The following DCBLD2 variants were observed in gnomAD, a reference collection of about 807,000 sequenced individuals.
DCBLD2 encodes the protein discoidin, CUB and LCCL domain containing 2, also known as discoidin, CUB and LCCL domain-containing protein 2.
Under a neutral mutation model 86.8 loss-of-function variants are expected in DCBLD2, and 54 were observed. That is an observed-to-expected ratio of 0.62 (90% CI 0.50 to 0.78). DCBLD2 has a LOEUF of 0.78. Among genes scored for constraint, DCBLD2 ranks in the 30% least tolerant of loss-of-function variants. The pLI is 0.00. For synonymous variants in DCBLD2, 354 were observed against 341.3 expected, an observed-to-expected ratio of 1.04 and a Z score of -0.41; for missense variants, 908 against 954.2, an observed-to-expected ratio of 0.95 and a Z score of 0.64.
At chr3:98,861,779 A>T (rs1056433254) in intron 2 of DCBLD2, among the ~76,000 whole-genome samples, 3 of 152,194 alleles carry the variant, frequency 2.0e-5, no homozygotes, top group African/African-American at 4.8e-5. Context: ...AGCAGGAAAG[A>T]TCTAAAATGG....
At chr3:98,814,949 T>C (rs887427398) in intron 9 of DCBLD2, 3 of 152,176 alleles carry the variant, frequency 2.0e-5, no homozygotes, top group African/African-American at 7.2e-5. Context: ...CAGTACTGTC[T>C]ATAGAAGAGT....
At chr3:98,885,754 T>C (rs1215619049) in intron 1 of DCBLD2, among the ~76,000 whole-genome samples, 2 of 151,914 alleles carry the variant, frequency 1.3e-5, no homozygotes, top group Non-Finnish European at 2.9e-5. Flanking sequence ...ACCAATTATG[T>C]AATACACTTA....
intron 3 of DCBLD2, among the ~76,000 whole-genome samples, chr3:98,839,161 TTC>T (rs1365286909): frequency 8.6e-5 from 8 of 93,326 alleles, no homozygotes; most frequent in African/African-American, 2.8e-4. Flanking sequence ...CTTTCTTTCT[TTC>T]TTTCTTTCCT....
intron 13 of DCBLD2, among the ~76,000 whole-genome samples, chr3:98,804,694 TC>T (rs1293187604): frequency 1.3e-5 from 2 of 152,372 alleles, no homozygotes; most frequent in Admixed American, 1.3e-4. Context: ...GCTATAAATT[TC>T]CCTCTACACA....
intron 5 of DCBLD2, 50 bp downstream of exon 5, chr3:98,822,619 A>C (rs750148066): frequency 1.3e-6 from 2 of 1,501,886 alleles, no homozygotes; most frequent in East Asian, 2.5e-5. Flanking sequence ...TGGAGTTCTA[A>C]AAAAATAGAG....
intron 2 of DCBLD2, among the ~76,000 whole-genome samples, chr3:98,865,580 A>AT (rs1365893434): frequency 3.9e-5 from 6 of 152,132 alleles, no homozygotes; most frequent in Non-Finnish European, 2.9e-5. Flanking sequence ...TTGCTAAGAG[A>AT]TTTTTTAAGT....
chr3:98,851,552 T>C (rs566278281), intron 2 of DCBLD2, among the ~76,000 whole-genome samples: 5 of 152,274 alleles, frequency 3.3e-5, no homozygotes, highest in Admixed American at 2.6e-4. Flanking sequence ...CAAGCTACCA[T>C]TGACTTTCTT....
intron 7 of DCBLD2, 40 bp downstream of exon 7, chr3:98,820,208 T>C (rs897853748): frequency 7.7e-7 from 1 of 1,299,890 alleles, no homozygotes; most frequent in Non-Finnish European, 1.0e-6. Flanking sequence ...TCAAAAAATA[T>C]TATATAAATA....
intron 1 of DCBLD2, among the ~76,000 whole-genome samples, chr3:98,885,662 G>A (rs1336846243): frequency 6.6e-6 from 1 of 151,578 alleles, no homozygotes; most frequent in East Asian, 1.9e-4. Flanking sequence ...GTTCTTAAAA[G>A]TAAAGCCTAT....
chr3:98,853,764 T>G (rs916735474), intron 2 of DCBLD2, among the ~76,000 whole-genome samples: 1 of 152,202 alleles, frequency 6.6e-6, no homozygotes, highest in Admixed American at 6.5e-5. Flanking sequence ...ACTTGAGAAA[T>G]CTTATTTATG....
intron 2 of DCBLD2, among the ~76,000 whole-genome samples, chr3:98,873,283 A>G (rs1559795547): frequency 6.6e-6 from 1 of 152,192 alleles, no homozygotes; most frequent in Non-Finnish European, 1.5e-5. Context: ...TCAAACAGAT[A>G]AAATAAGTAT....
intron 2 of DCBLD2, among the ~76,000 whole-genome samples, chr3:98,852,602 T>C (rs1366256190): frequency 1.3e-5 from 2 of 152,192 alleles, no homozygotes; most frequent in Non-Finnish European, 2.9e-5. Flanking sequence ...ACTTCTTTTA[T>C]GTTACATATA....
intron 1 of DCBLD2, chr3:98,895,271 A>C (rs1943732158): frequency 6.6e-6 from 1 of 152,170 alleles, no homozygotes; most frequent in Non-Finnish European, 1.5e-5. Context: ...ACAGATGATA[A>C]AGGGGCTGCT....
intron 14 of DCBLD2, among the ~76,000 whole-genome samples, chr3:98,801,024 T>C (rs1038020540): frequency 6.6e-6 from 1 of 152,188 alleles, no homozygotes; most frequent in Non-Finnish European, 1.5e-5. Flanking sequence ...TTCCAAGATC[T>C]ACCCTGGGGC....
chr3:98,893,888 A>G (rs1943706350), intron 1 of DCBLD2, among the ~76,000 whole-genome samples: 1 of 152,224 alleles, frequency 6.6e-6, no homozygotes, highest in Non-Finnish European at 1.5e-5. Context: ...TCAGCTTTAC[A>G]AAGTGAGATA....
intron 2 of DCBLD2, among the ~76,000 whole-genome samples, chr3:98,860,453 AATG>A (rs141755669): frequency 0.16 from 25,089 of 152,060 alleles, 2,134 homozygotes; most frequent in African/African-American, 0.22. Context: ...TGAAGGAAAA[AATG>A]ATGAGAGCAG....
chr3:98,838,622 A>G (rs1942536274), intron 3 of DCBLD2, among the ~76,000 whole-genome samples: 1 of 149,810 alleles, frequency 6.7e-6, no homozygotes, highest in East Asian at 2.0e-4. Context: ...AGGCAGAGAC[A>G]CTCTTCACTT....
intron 2 of DCBLD2, among the ~76,000 whole-genome samples, chr3:98,860,443 T>A (rs1442867480): frequency 6.8e-6 from 1 of 147,400 alleles, no homozygotes; most frequent in East Asian, 1.9e-4. Flanking sequence ...AAAGTTGAAA[T>A]GAAGGAAAAA....
chr3:98,807,141 A>G (rs144553977), intron 13 of DCBLD2, among the ~76,000 whole-genome samples: 8 of 152,110 alleles, frequency 5.3e-5, no homozygotes, highest in Admixed American at 5.2e-4. Context: ...CCCAGACTGA[A>G]CCTCTATGGT....
Sources: allele counts gnomAD v4.1 joint callset (sites outside exome capture counted in the v4.1 genomes callset), GRCh38; gene constraint gnomAD v4.1.1; transcripts MANE v1.5; gene names NCBI Gene and HGNC (gene_info 2026-07-23, HGNC 2026-07-21).